BTNL9: variants seen among roughly 807,000 people sequenced by gnomAD.
BTNL9 encodes the protein butyrophilin-like protein 9.
A neutral mutation model predicts 45.8 loss-of-function variants in BTNL9; 45 were observed. The observed-to-expected ratio is 0.98, with a 90% CI of 0.77 to 1.26. The LOEUF (loss-of-function observed/expected upper bound fraction) is 1.26, where lower values mean the gene tolerates loss of function less well. Ranked by LOEUF, BTNL9 falls within the 50% of genes most tolerant of loss-of-function variation. BTNL9 has a pLI of 0.00. For synonymous variants in BTNL9, 346 were observed against 330.8 expected, an observed-to-expected ratio of 1.05 and a Z score of -0.50; for missense variants, 784 against 729.7, an observed-to-expected ratio of 1.07 and a Z score of -0.86.
rs1165504399 is a variant in BTNL9 at position 181,050,852 on chromosome 5, G to A, written c.736+483G>A. On this transcript the variant is annotated intron_variant, in intron 4 of 10. Transcript: ENST00000327705. This position sits in a 1 kb window ranked among gnomAD's most constrained non-coding sequence, Gnocchi z 4.9. ...GCCTGTAATCCCAGCACTTTGGGAGGCCAAGGCGGGTGGATCATGAGGTCA... is the reference window on the plus strand; with the variant it reads ...GCCTGTAATCCCAGCACTTTGGGAGACCAAGGCGGGTGGATCATGAGGTCA... Among the ~76,000 whole-genome samples, 1 of 152,104 alleles carries A rather than the reference G, an allele frequency of 6.6e-6. No homozygotes were observed. Among genetic ancestry groups the A allele is most frequent in the Non-Finnish European group, 1.5e-5 (1 of 68,014 alleles).
rs547415238 is a variant in BTNL9, at chr5:181,053,016, GC to G, written c.737-182del. The G allele has an allele frequency of 0.049, 7,275 of 148,656 alleles. 239 individuals are homozygous for G. The highest frequency in any genetic ancestry group is 0.11 in the African/African-American group (3,698 of 35,164). The allele number at this position is 148,656 out of a possible 1,614,324, so 9.2% of individuals were successfully genotyped here. ...CCCGCGGCGCGCCCCCGCCCCCTCC[GC>G]CGCGCGCGCCCCCGCCCCCTCCGCC... On this transcript the variant is annotated intron_variant, in intron 4 of 10. Coordinates refer to ENST00000327705, the MANE Select transcript of BTNL9 (RefSeq NM_152547.5). The surrounding 1 kb of genome is among the most constrained non-coding windows in gnomAD (Gnocchi z 6.5).
In BTNL9 at chr5:181,060,054, C is replaced by G. The variant is rs1762092163; in HGVS notation, c.*192C>G. 3.3e-6 allele frequency: 2 copies of G among 606,498 alleles called. No individual in the cohort carries two copies. The highest frequency in any genetic ancestry group is 4.5e-5 in the South Asian group (2 of 44,232). 37.6% of individuals were successfully genotyped at this position (606,498 alleles called of 1,614,324 possible). ...TTTCTTCAAGGAAAGGAGACAAGTC[C>G]AAAGCTCGTTTGTGGATTGTGGGAC... On this transcript the variant is annotated 3_prime_UTR_variant, in exon 11 of 11. Transcript: ENST00000327705.
At chr5:181,045,358 G>A (rs1761040504) in intron 1 of BTNL9, 109 bp from the exon 2 acceptor site, 1 of 637,580 alleles carries the variant, frequency 1.6e-6, no homozygotes, top group Non-Finnish European at 2.8e-6. Context: ...AGGAATTTGA[G>A]AACTAGACAA....
At chr5:181,044,664 ACT>A (rs140470594) in intron 1 of BTNL9, among the ~76,000 whole-genome samples, 2,018 of 152,220 alleles carry the variant, frequency 0.013, 48 homozygotes, top group African/African-American at 0.046. Context: ...ATCTCCAGAG[ACT>A]CATTGGCAGC....
rs144373630 is a variant in BTNL9 at position 181,050,286 on chromosome 5, G to A, written c.653G>A (p.Arg218Gln). 33 of 1,613,986 alleles carry A rather than the reference G, an allele frequency of 2.0e-5. No individual in the cohort carries two copies. The highest frequency in any genetic ancestry group is 2.0e-5 in the Non-Finnish European group (24 of 1,180,038). ...AGTCTGGAAACATCTGTGGTTGTCCGAGCGGGAGCCCTCAGCAATGTGTCC... is the reference window on the plus strand; with the variant it reads ...AGTCTGGAAACATCTGTGGTTGTCCAAGCGGGAGCCCTCAGCAATGTGTCC... ...LFSLETSVVVRAGALSNVSVS... is the reference protein window; with the variant it reads ...LFSLETSVVVQAGALSNVSVS... The change falls in exon 4 of 11, where the codon CGA becomes CAA. Residue 218 changes from arginine to glutamine, a missense_variant. By Grantham distance (43) the Arg-to-Gln change is conservative (BLOSUM62 1). Coordinates refer to ENST00000327705, the MANE Select transcript of BTNL9 (RefSeq NM_152547.5). The surrounding 1 kb of genome is among the most constrained non-coding windows in gnomAD (Gnocchi z 4.9).
chr5:181,047,652 C>A, intron 2 of BTNL9: 1 of 597,360 alleles, frequency 1.7e-6, no homozygotes. Context: ...CATAATTGTC[C>A]CCAAAATAAC....
rs1245995099 is a variant in BTNL9, at chr5:181,050,773, A to C, written c.736+404A>C. On this transcript the variant is annotated intron_variant, in intron 4 of 10. Transcript: ENST00000327705. This position sits in a 1 kb window ranked among gnomAD's most constrained non-coding sequence, Gnocchi z 4.9. ...TACAGACAATAAGCAAAAGAAGTGC[A>C]TCCTGTCACATCACGTTAGAAGGTG... Among the ~76,000 whole-genome samples the C allele has an allele frequency of 6.6e-6, 1 of 152,216 alleles. No individual in the cohort carries two copies. Among genetic ancestry groups the C allele is most frequent in the Non-Finnish European group, 1.5e-5 (1 of 68,030 alleles).
chr5:181,045,692 G>C (rs188707264), intron 2 of BTNL9, 94 bp downstream of exon 2: 12 of 985,744 alleles, frequency 1.2e-5, no homozygotes, highest in Non-Finnish European at 1.9e-5. Context: ...GTACCAGGGC[G>C]TGCCAGACGC....
rs975504021 is a variant in BTNL9 at position 181,055,164 on chromosome 5, G to C, written c.908-269G>C. On this transcript the variant is annotated intron_variant, in intron 7 of 10. Transcript: ENST00000327705. This position sits in a 1 kb window ranked among gnomAD's most constrained non-coding sequence, Gnocchi z 4.4. The stretch of plus-strand genomic sequence containing the variant: ...GAAGGAACAACCCCAACCCTGGGAA[G>C]AGGCCTGTCAGTACTAAGATCTGGT... The C allele has an allele frequency of 7.8e-6, 10 of 1,274,186 alleles. No homozygotes were observed. Among genetic ancestry groups the C allele is most frequent in the Non-Finnish European group, 9.9e-6 (10 of 1,008,486 alleles). 78.9% of individuals were successfully genotyped at this position (1,274,186 alleles called of 1,614,324 possible).
At chr5:181,058,287 G>A (rs373742889) in intron 9 of BTNL9, 65 bp from the exon 10 acceptor site, 79 of 1,584,102 alleles carry the variant, frequency 5.0e-5, no homozygotes, top group Admixed American at 6.7e-5. Flanking sequence ...TGGAGACTTC[G>A]TTAAGGTTCC....
At chr5:181,058,855 G>T (rs1360033330) in intron 10 of BTNL9, among the ~76,000 whole-genome samples, 1 of 151,156 alleles carries the variant, frequency 6.6e-6, no homozygotes, top group African/African-American at 2.4e-5. Flanking sequence ...GTAAAATGAC[G>T]CTCAGCGCTC....
chr5:181,054,493 A>G, intron 7 of BTNL9: 1 of 985,408 alleles, frequency 1.0e-6, no homozygotes, highest in Non-Finnish European at 1.2e-6. Flanking sequence ...AAATTAGACA[A>G]TTCAGTTAAA....
At chr5:181,045,845 C>T (rs1761095523) in intron 2 of BTNL9, among the ~76,000 whole-genome samples, 1 of 129,726 alleles carries the variant, frequency 7.7e-6, no homozygotes, top group South Asian at 2.4e-4. Context: ...ACCTCCTCCA[C>T]CATCTCCCCA....
intron 2 of BTNL9, chr5:181,047,506 CTCCTT>C (rs1761247573): frequency 1.0e-6 from 1 of 992,346 alleles, no homozygotes. Context: ...AATTTGATGT[CTCCTT>C]TCAGGTATTT....
Position 181,055,071 on chromosome 5 carries a change from A to T in BTNL9, c.908-362A>T. The T allele has an allele frequency of 3.7e-6, 4 of 1,089,388 alleles. No homozygotes were observed. The highest frequency in any genetic ancestry group is 4.5e-6 in the Non-Finnish European group (4 of 896,142). 67.5% of individuals were successfully genotyped at this position (1,089,388 alleles called of 1,614,324 possible). On this transcript the variant is annotated intron_variant, in intron 7 of 10. Coordinates refer to ENST00000327705, the MANE Select transcript of BTNL9 (RefSeq NM_152547.5). This position sits in a 1 kb window ranked among gnomAD's most constrained non-coding sequence, Gnocchi z 4.4. ...CACCCGGTGAGTGACCGTGAGGCTC[A>T]CGTAGGCGGCCCTCAGTGCCTGCAC...
In BTNL9 at chr5:181,050,497, C is replaced by A; in HGVS notation, c.736+128C>A. Reference sequence around the variant, plus strand: ...CATATAGGGTGTGTTGGCCTTGACACCTGAAAAGTCAGCACCTTGGATATT... The same window carrying A: ...CATATAGGGTGTGTTGGCCTTGACAACTGAAAAGTCAGCACCTTGGATATT... On this transcript the variant is annotated intron_variant, in intron 4 of 10. Transcript: ENST00000327705. The surrounding 1 kb of genome is among the most constrained non-coding windows in gnomAD (Gnocchi z 4.9). The A allele has an allele frequency of 8.6e-7, 1 of 1,164,340 alleles. No individual in the cohort carries two copies. Among genetic ancestry groups the A allele is most frequent in the South Asian group, 1.5e-5 (1 of 66,260 alleles). 72.1% of individuals were successfully genotyped at this position (1,164,340 alleles called of 1,614,324 possible). A position where few individuals can be genotyped will look rare whatever the true frequency, so the allele number is the denominator to read the frequency against.
Position 181,050,216 on chromosome 5 carries a change from C to A in BTNL9, c.583C>A (p.Pro195Thr), listed in dbSNP as rs1409498090. Residue 195 changes from proline to threonine, a missense_variant, in exon 4 of 11, where the codon CCT (proline) becomes ACT (threonine). Pro to Thr is a conservative substitution (Grantham distance 38). Transcript: ENST00000327705. This position sits in a 1 kb window ranked among gnomAD's most constrained non-coding sequence, Gnocchi z 4.9. Reference sequence around the variant, plus strand: ...GAGAGACCACCAGGGACAGTGCCTGCCTCCAGAGTTTGAAGCCATCGTCTG... The same window carrying A: ...GAGAGACCACCAGGGACAGTGCCTGACTCCAGAGTTTGAAGCCATCGTCTG... ...QWRDHQGQCL[P>T]PEFEAIVWDA... is the part of the protein sequence containing the mutation. 6.2e-7 allele frequency: 1 copy of A among 1,614,016 alleles called. No homozygotes were observed. The highest frequency in any genetic ancestry group is 8.5e-7 in the Non-Finnish European group (1 of 1,180,048).
At chr5:181,059,156 GA>G (rs1762028020) in intron 10 of BTNL9, 80 bp from the exon 11 acceptor site, 2 of 1,410,746 alleles carry the variant, frequency 1.4e-6, no homozygotes, top group Non-Finnish European at 1.8e-6. Context: ...CAAGAGAAAC[GA>G]GAGGTTTGTC....
rs1039652943 is a variant in BTNL9 at position 181,059,973 on chromosome 5, C to T, written c.*111C>T. ...GCAGGTGCACCAGCCAAAATGTCAGCGAGGGGGACAAAGAGAGGGACCTTT... is the reference window on the plus strand; with the variant it reads ...GCAGGTGCACCAGCCAAAATGTCAGTGAGGGGGACAAAGAGAGGGACCTTT... On this transcript the variant is annotated 3_prime_UTR_variant, in exon 11 of 11. Coordinates refer to ENST00000327705, the MANE Select transcript of BTNL9 (RefSeq NM_152547.5). The T allele has an allele frequency of 4.6e-5, 46 of 991,744 alleles. No individual in the cohort carries two copies. The Admixed American group carries it at 1.2e-3, about 26-fold the overall frequency. The allele number at this position is 991,744 out of a possible 1,614,324, so 61.4% of individuals were successfully genotyped here. A position where few individuals can be genotyped will look rare whatever the true frequency, so the allele number is the denominator to read the frequency against.
Sources: allele counts gnomAD v4.1 joint callset (sites outside exome capture counted in the v4.1 genomes callset), GRCh38; gene constraint gnomAD v4.1.1; non-coding constraint Gnocchi (gnomAD v3.1); transcripts MANE v1.5; gene names NCBI Gene and HGNC (gene_info 2026-07-23, HGNC 2026-07-21).